SBF2: variants seen among roughly 807,000 people sequenced by gnomAD.
SBF2 encodes the protein myotubularin-related protein 13.
A neutral mutation model predicts 225.2 loss-of-function variants in SBF2; 112 were observed. The observed-to-expected ratio is 0.50, with a 90% confidence interval of 0.43 to 0.58. The LOEUF (loss-of-function observed/expected upper bound fraction) is 0.58, where lower values mean the gene tolerates loss of function less well. Among genes scored for constraint, SBF2 ranks in the 20% least tolerant of loss-of-function variants. The pLI, the probability that SBF2 is intolerant of heterozygous loss-of-function variation, is 0.00. For missense variants in SBF2, 1,996 were observed against 2,206.2 expected (o/e 0.90, Z 1.91); for synonymous variants, 763 against 773.3 (o/e 0.99, Z 0.22).
chr11:10,061,239 C>T (rs973647638), intron 2 of SBF2, among the ~76,000 whole-genome samples: 2 of 152,028 alleles, frequency 1.3e-5, no homozygotes, highest in Non-Finnish European at 2.9e-5. Context: ...AACTCACAGC[C>T]CACATTATAC....
chr11:10,045,139 T>A (rs556943575), intron 2 of SBF2, among the ~76,000 whole-genome samples: 1 of 151,548 alleles, frequency 6.6e-6, no homozygotes, highest in African/African-American at 2.4e-5. Context: ...CACAAAAAGG[T>A]CAACTTGTTT....
At chr11:10,175,188 A>C (rs1263378014) in intron 2 of SBF2, among the ~76,000 whole-genome samples, 10 of 148,456 alleles carry the variant, frequency 6.7e-5, no homozygotes, top group South Asian at 2.2e-4. Flanking sequence ...AAATGGACTA[A>C]ATGCTCCAAT....
intron 1 of SBF2, among the ~76,000 whole-genome samples, chr11:10,215,454 T>A (rs1030328839): frequency 6.6e-6 from 1 of 152,194 alleles, no homozygotes; most frequent in African/African-American, 2.4e-5. Flanking sequence ...GTTAATGTCA[T>A]CTTGTAGGAA....
intron 16 of SBF2, among the ~76,000 whole-genome samples, chr11:9,922,835 T>C (rs1863738180): frequency 1.3e-5 from 2 of 152,186 alleles, no homozygotes; most frequent in Non-Finnish European, 2.9e-5. Context: ...TGTTACCAGA[T>C]ACTCCCTACA....
chr11:10,074,893 T>C (rs1951034847), intron 2 of SBF2, among the ~76,000 whole-genome samples: 1 of 152,258 alleles, frequency 6.6e-6, no homozygotes, highest in South Asian at 2.1e-4. Context: ...AGATTCATTT[T>C]ACCCTCTGTA....
At chr11:9,933,475 C>T (rs187920552) in intron 16 of SBF2, among the ~76,000 whole-genome samples, 8 of 152,324 alleles carry the variant, frequency 5.3e-5, no homozygotes, top group Admixed American at 2.0e-4. Flanking sequence ...GACCACAGTG[C>T]AATCAAATTA....
In SBF2 at chr11:9,808,910, G is replaced by A; in HGVS notation, c.4248C>T (p.Ile1416=). The part of the protein sequence containing the change: ...VLVCLEEGWD[I]TAQVTSLVQL... ...ATGTCTAATAGTTTACTTGTGCAGTGATGTCCCAGCCTTCCTCCAAACAGA... is the reference window on the plus strand; with the variant it reads ...ATGTCTAATAGTTTACTTGTGCAGTAATGTCCCAGCCTTCCTCCAAACAGA... Residue 1416 remains isoleucine (I), a synonymous_variant, in exon 31 of 40, where the codon ATC becomes ATT. Coordinates refer to ENST00000256190, the MANE Select transcript of SBF2 (RefSeq NM_030962.4). 6.2e-7 allele frequency: 1 copy of A among 1,609,810 alleles called. No homozygotes were observed. The highest frequency in any genetic ancestry group is 1.1e-5 in the South Asian group (1 of 90,976).
At chr11:9,784,145 C>G (rs1852213145) in intron 38 of SBF2, among the ~76,000 whole-genome samples, 1 of 152,116 alleles carries the variant, frequency 6.6e-6, no homozygotes, top group African/African-American at 2.4e-5. Flanking sequence ...TGTACCAGGC[C>G]GAGCTACTTG....
intron 1 of SBF2, among the ~76,000 whole-genome samples, chr11:10,226,640 C>G (rs1958571092): frequency 6.6e-6 from 1 of 152,162 alleles, no homozygotes; most frequent in Admixed American, 6.6e-5. Context: ...TCATCCATGT[C>G]CCTACAAAGG....
At chr11:9,826,713 G>A (rs1162259488) in intron 28 of SBF2, among the ~76,000 whole-genome samples, 1 of 148,764 alleles carries the variant, frequency 6.7e-6, no homozygotes, top group Non-Finnish European at 1.5e-5. Context: ...TGTGTGGTGT[G>A]TATATATATA....
chr11:9,994,231 T>A (rs1344218210), intron 9 of SBF2, among the ~76,000 whole-genome samples: 1 of 151,988 alleles, frequency 6.6e-6, no homozygotes, highest in Non-Finnish European at 1.5e-5. Context: ...TCCCAGCACT[T>A]TGGGAGGCTG....
rs61892574 is a variant in SBF2 at position 10,202,609 on chromosome 11, T to C, written c.56-8622A>G. 2.0e-5 allele frequency among the ~76,000 whole-genome samples: 3 copies of C among 151,800 alleles called. No individual in the cohort carries two copies. In the South Asian group the frequency reaches 6.2e-4, roughly 32 times the overall value. On this transcript the variant is annotated intron_variant, in intron 1 of 39. Coordinates refer to ENST00000256190, the MANE Select transcript of SBF2 (RefSeq NM_030962.4). The stretch of plus-strand genomic sequence containing the variant: ...GACCATCCTAGCTAACACGGTGAAA[T>C]CCCGTCTCTACTAAAAATAACAAAA...
chr11:9,990,379 A>C (rs1022262846), intron 12 of SBF2, among the ~76,000 whole-genome samples: 18 of 152,224 alleles, frequency 1.2e-4, no homozygotes, highest in East Asian at 7.7e-4. Flanking sequence ...GGACAAGGCC[A>C]TGCACAATGC....
At chr11:10,008,218 T>A (rs886174667) in intron 6 of SBF2, among the ~76,000 whole-genome samples, 2 of 152,146 alleles carry the variant, frequency 1.3e-5, no homozygotes, top group East Asian at 1.9e-4. Flanking sequence ...TGAACTATAA[T>A]ACAATGGCCT....
chr11:10,141,141 A>T (rs1346474232), intron 2 of SBF2, among the ~76,000 whole-genome samples: 1 of 152,190 alleles, frequency 6.6e-6, no homozygotes, highest in Non-Finnish European at 1.5e-5. Context: ...TATACCTGTG[A>T]ATAAAAGCAT....
rs1376348263 is a variant in SBF2, at chr11:10,303,825, C to T, written n.386+667G>A. 2 of 152,330 alleles carry T rather than the reference C, an allele frequency of 1.3e-5. No homozygotes were observed. Among genetic ancestry groups the T allele is most frequent in the East Asian group, 3.9e-4 (2 of 5,188 alleles). 9.4% of individuals were successfully genotyped at this position (152,330 alleles called of 1,614,324 possible). Reference sequence around the variant, plus strand: ...TAGCCTTTCCTTCCCAGTTTGGCCCCCAGGAGAGAAGTAAGAAAGAGAAGA... The same window carrying T: ...TAGCCTTTCCTTCCCAGTTTGGCCCTCAGGAGAGAAGTAAGAAAGAGAAGA... On this transcript the variant is annotated intron_variant and non_coding_transcript_variant, in intron 1 of 5. Transcript: ENST00000685217. The surrounding 1 kb of genome is among the most constrained non-coding windows in gnomAD (Gnocchi z 5.2).
At chr11:9,790,906 T>C in intron 33 of SBF2, 1 of 430,204 alleles carries the variant, frequency 2.3e-6, no homozygotes, top group Non-Finnish European at 4.2e-6. Context: ...CTGATAAAGT[T>C]TGCCTAAGCA....
In SBF2 at chr11:9,990,810, G is replaced by A. The variant is rs147057400; in HGVS notation, c.1297-1215C>T. On this transcript the variant is annotated intron_variant, in intron 12 of 39. Coordinates refer to ENST00000256190, the MANE Select transcript of SBF2 (RefSeq NM_030962.4). ...AGACAAAATGAAGCCTAACGCAGTC[G>A]AGTGGCTCTCAGAGTCAACGACTTT... Among the ~76,000 whole-genome samples the A allele has an allele frequency of 1.3e-3, 194 of 152,274 alleles. 2 individuals are homozygous for A. The highest frequency in any genetic ancestry group is 4.1e-3 in the African/African-American group (170 of 41,562).
intron 2 of SBF2, among the ~76,000 whole-genome samples, chr11:10,073,500 G>T (rs1950973935): frequency 6.6e-6 from 1 of 152,120 alleles, no homozygotes; most frequent in East Asian, 1.9e-4. Context: ...ATCACTTGAG[G>T]TCAGGAGTTT....
Sources: gnomAD v4.1 joint callset for allele counts (sites outside exome capture counted in the v4.1 genomes callset) on GRCh38, gnomAD v4.1.1 for gene constraint, Gnocchi (gnomAD v3.1) non-coding constraint, MANE v1.5 for transcripts, NCBI Gene and HGNC (gene_info 2026-07-23, HGNC 2026-07-21) for gene names.